The following PLCB4 variants were observed in gnomAD, a reference collection of about 807,000 sequenced individuals.
PLCB4 encodes the protein 1-phosphatidylinositol 4,5-bisphosphate phosphodiesterase beta-4.
A neutral mutation model predicts 178.8 loss-of-function variants in PLCB4; 77 were observed. The observed-to-expected ratio is 0.43, with a 90% CI of 0.36 to 0.52. PLCB4 has a LOEUF of 0.52. PLCB4 is among the 20% of genes least tolerant of loss of function. The probability of loss-of-function intolerance (pLI) is 0.00; values close to 1 mark genes in which losing one functional copy is unlikely to be tolerated. For synonymous variants in PLCB4, 496 were observed against 490.8 expected (o/e 1.01, Z -0.14); for missense variants, 1,024 against 1,453.4 (o/e 0.70, Z 4.80).
intron 4 of PLCB4, among the ~76,000 whole-genome samples, chr20:9,310,265 A>T (rs2094815826): frequency 6.6e-6 from 1 of 152,190 alleles, no homozygotes; most frequent in Admixed American, 6.5e-5. Flanking sequence ...GAGGAATAAG[A>T]TTAGAGAAAC....
At chr20:9,214,124 AT>A (rs1273506436) in intron 2 of PLCB4, among the ~76,000 whole-genome samples, 3 of 152,108 alleles carry the variant, frequency 2.0e-5, no homozygotes, top group Non-Finnish European at 4.4e-5. Context: ...GGTTCGACTT[AT>A]CTTCTTTTTT....
At chr20:9,165,476 T>C (rs2092954180) in intron 2 of PLCB4, among the ~76,000 whole-genome samples, 1 of 152,094 alleles carries the variant, frequency 6.6e-6, no homozygotes, top group Non-Finnish European at 1.5e-5. Context: ...AAATCTGGAG[T>C]TTTTGGCATT....
At chr20:9,257,962 A>G (rs1387953787) in intron 3 of PLCB4, among the ~76,000 whole-genome samples, 1 of 152,204 alleles carries the variant, frequency 6.6e-6, no homozygotes, top group Non-Finnish European at 1.5e-5. Flanking sequence ...AAAACAGCAT[A>G]TTAGCTGAAA....
At chr20:9,229,002 C>T (rs1249718462) in intron 3 of PLCB4, among the ~76,000 whole-genome samples, 2 of 152,182 alleles carry the variant, frequency 1.3e-5, no homozygotes, top group Non-Finnish European at 2.9e-5. Context: ...CTTTTGGCAT[C>T]GCTGTGAGGA....
At chr20:9,271,800 A>T (rs184559401) in intron 3 of PLCB4, among the ~76,000 whole-genome samples, 13 of 152,226 alleles carry the variant, frequency 8.5e-5, no homozygotes, top group Admixed American at 7.2e-4. Context: ...GTCACACGTA[A>T]CATCAGACTA....
chr20:9,215,872 A>G (rs1210286747), intron 2 of PLCB4, among the ~76,000 whole-genome samples: 2 of 152,186 alleles, frequency 1.3e-5, no homozygotes, highest in African/African-American at 4.8e-5. Flanking sequence ...AACACAATGG[A>G]GCCATAGTAT....
At chr20:9,176,244 C>T (rs2093152536) in intron 2 of PLCB4, among the ~76,000 whole-genome samples, 1 of 152,124 alleles carries the variant, frequency 6.6e-6, no homozygotes, top group Non-Finnish European at 1.5e-5. Context: ...CACTTATTTA[C>T]CTGTTGATGG....
intron 2 of PLCB4, among the ~76,000 whole-genome samples, chr20:9,198,400 A>G (rs2093499791): frequency 6.6e-6 from 1 of 152,254 alleles, no homozygotes; most frequent in Non-Finnish European, 1.5e-5. Flanking sequence ...CATCTATTAA[A>G]TGGTATTACA....
At position 9,421,467 on chromosome 20, in the gene PLCB4, A is replaced by T. The variant is rs772546843; in HGVS notation, c.2319+6A>T. ...AGTCATTTGTATTTCGGAAGGTAGG[A>T]CATTTTCAGCACGTCAAACTTACTC... On this transcript the variant is annotated splice_donor_region_variant and intron_variant, in intron 27 of 39. Coordinates refer to ENST00000378473, the MANE Select transcript of PLCB4 (RefSeq NM_001377142.1). 1.9e-5 allele frequency: 30 copies of T among 1,610,342 alleles called. 2 individuals carry two copies. The South Asian group carries it at 3.3e-4, about 18-fold the overall frequency.
At chr20:9,232,291 G>A (rs1374666660) in intron 3 of PLCB4, among the ~76,000 whole-genome samples, 1 of 152,082 alleles carries the variant, frequency 6.6e-6, no homozygotes, top group Non-Finnish European at 1.5e-5. Flanking sequence ...AATAAGTTTG[G>A]CAATTTGGGA....
In PLCB4 at chr20:9,324,838, C is replaced by T. The variant is rs141235478; in HGVS notation, c.85-12288C>T. Among the ~76,000 whole-genome samples, 342 of 151,844 alleles carry T rather than the reference C, an allele frequency of 2.3e-3. 1 individual carries two copies. The highest frequency in any genetic ancestry group is 3.3e-3 in the Non-Finnish European group (221 of 67,958). ...GAAGACAAAAGTCCAACTGGAGTGA[C>T]GTATCATGCAGCTCTTGTGGAAAAA... On this transcript the variant is annotated intron_variant, in intron 4 of 39. Transcript: ENST00000378473.
chr20:9,323,171 G>A (rs957714833), intron 4 of PLCB4, among the ~76,000 whole-genome samples: 2 of 152,100 alleles, frequency 1.3e-5, no homozygotes, highest in African/African-American at 4.8e-5. Context: ...GGCACACTCT[G>A]ACCTCAGGGC....
At chr20:9,070,546 G>C (rs1352319289) in intron 1 of PLCB4, among the ~76,000 whole-genome samples, 1 of 152,130 alleles carries the variant, frequency 6.6e-6, no homozygotes. Flanking sequence ...GGACAGTCTT[G>C]CATGATCCTT....
chr20:9,387,379 A>G, intron 14 of PLCB4, 84 bp from the exon 15 acceptor site: 3 of 692,694 alleles, frequency 4.3e-6, no homozygotes, highest in Non-Finnish European at 4.9e-6. Flanking sequence ...GAAGAAAACA[A>G]CTTATTTTGA....
At chr20:9,469,603 G>A (rs2044042343) in intron 36 of PLCB4, among the ~76,000 whole-genome samples, 1 of 152,250 alleles carries the variant, frequency 6.6e-6, no homozygotes, top group African/African-American at 2.4e-5. Flanking sequence ...CCCTAAGCAA[G>A]GATGTGGTCT....
At chr20:9,469,033 G>C (rs2043997523) in intron 36 of PLCB4, among the ~76,000 whole-genome samples, 1 of 150,190 alleles carries the variant, frequency 6.7e-6, no homozygotes, top group Non-Finnish European at 1.5e-5. Flanking sequence ...ACCCATGCTA[G>C]AGTGCAGTGG....
At chr20:9,133,042 G>A (rs1279542790) in intron 2 of PLCB4, among the ~76,000 whole-genome samples, 1 of 152,150 alleles carries the variant, frequency 6.6e-6, no homozygotes, top group Non-Finnish European at 1.5e-5. Flanking sequence ...AAACACTGCT[G>A]TAGGGTAAGG....
intron 4 of PLCB4, among the ~76,000 whole-genome samples, chr20:9,331,200 G>A (rs1053221499): frequency 1.3e-5 from 2 of 152,150 alleles, no homozygotes; most frequent in Non-Finnish European, 2.9e-5. Flanking sequence ...CCCAGAAAAC[G>A]CAGTTTTGTG....
intron 2 of PLCB4, among the ~76,000 whole-genome samples, chr20:9,114,874 C>T (rs974919359): frequency 6.6e-6 from 1 of 152,182 alleles, no homozygotes; most frequent in Non-Finnish European, 1.5e-5. Flanking sequence ...TGACCGACCT[C>T]ACGTTTAAGG....
Sources: gnomAD v4.1 joint callset for allele counts (sites outside exome capture counted in the v4.1 genomes callset) on GRCh38, gnomAD v4.1.1 for gene constraint, MANE v1.5 for transcripts, NCBI Gene and HGNC (gene_info 2026-07-23, HGNC 2026-07-21) for gene names.